The following SYNPR variants were observed in gnomAD, a reference collection of about 807,000 sequenced individuals.
The protein encoded by SYNPR is synaptoporin.
A neutral mutation model predicts 32.9 loss-of-function variants in SYNPR; 23 were observed. The observed-to-expected ratio is 0.70, with a 90% CI of 0.50 to 0.99. The LOEUF is 0.99. Among genes scored for constraint, SYNPR ranks in the 50% least tolerant of loss-of-function variants. The pLI is 0.00. For missense variants in SYNPR, 318 were observed against 349.3 expected (o/e 0.91, Z 0.71); for synonymous variants, 146 against 135.9 (o/e 1.07, Z -0.52).
chr3:63,484,615 T>C (rs1469582167), intron 3 of SYNPR, among the ~76,000 whole-genome samples: 2 of 149,908 alleles, frequency 1.3e-5, no homozygotes, highest in African/African-American at 4.9e-5. Context: ...ATTGCAAGGG[T>C]ACAATGTGCC....
rs144357040 is a variant in SYNPR at position 63,599,458 on chromosome 3, C to T, written c.409-9667C>T. On this transcript the variant is annotated intron_variant, in intron 4 of 5. Coordinates refer to ENST00000478300, the MANE Select transcript of SYNPR (RefSeq NM_001130003.2). ...TACATACACAAATACTTATCATCAT[C>T]ATGTTACAATTGCCTGCAGTAATCA... Among the ~76,000 whole-genome samples the T allele has an allele frequency of 3.5e-3, 528 of 152,230 alleles. 3 individuals are homozygous for T. The highest frequency in any genetic ancestry group is 5.8e-3 in the Non-Finnish European group (393 of 68,012).
At chr3:63,344,884 G>A (rs1358531087) in intron 2 of SYNPR, among the ~76,000 whole-genome samples, 2 of 152,144 alleles carry the variant, frequency 1.3e-5, no homozygotes, top group Non-Finnish European at 2.9e-5. Context: ...GGGGATCAAA[G>A]CTATCTTCTT....
intron 2 of SYNPR, among the ~76,000 whole-genome samples, chr3:63,371,627 G>T (rs2087813230): frequency 6.6e-6 from 1 of 152,168 alleles, no homozygotes; most frequent in Non-Finnish European, 1.5e-5. Flanking sequence ...GGTGCGTGGT[G>T]ATTTGAGACT....
chr3:63,410,255 T>G lies in SYNPR; in HGVS notation c.85-70577T>G, dbSNP rs997540883. The stretch of plus-strand genomic sequence containing the variant: ...CAATTGTCTTTATCATCTCTGGTAT[T>G]TTGTCCACTGAAATCATGAACTTAA... On this transcript the variant is annotated intron_variant, in intron 2 of 5. Coordinates refer to ENST00000478300, the MANE Select transcript of SYNPR (RefSeq NM_001130003.2). 4.6e-5 allele frequency among the ~76,000 whole-genome samples: 7 copies of G among 152,180 alleles called. No homozygotes were observed. The South Asian group carries it at 1.2e-3, about 27-fold the overall frequency.
At position 63,556,635 on chromosome 3, in the gene SYNPR, T is replaced by C. The variant is rs749632215; in HGVS notation, c.302T>C (p.Phe101Ser). 10 of 1,613,794 alleles carry C rather than the reference T, an allele frequency of 6.2e-6. No individual in the cohort carries two copies. The highest frequency in any genetic ancestry group is 8.5e-6 in the Non-Finnish European group (10 of 1,179,848). Residue 101 changes from phenylalanine (F) to serine (S), a missense_variant, in exon 4 of 6, where the codon TTC becomes TCC. By Grantham distance (155) the Phe-to-Ser change is radical (BLOSUM62 -2). Transcript: ENST00000478300. ...GGTGACTCCTCGTCTTCAGCAGAGT[T>C]CTTCGTCACTGTTGCTGTCTTCGCC... ...LIGDSSSSAE[F>S]FVTVAVFAFL...
intron 3 of SYNPR, among the ~76,000 whole-genome samples, chr3:63,554,482 C>T (rs766316597): frequency 1.3e-5 from 2 of 152,140 alleles, no homozygotes; most frequent in Admixed American, 6.5e-5. Flanking sequence ...TTTTCTATTG[C>T]TTGTTTTTGT....
At chr3:63,446,969 G>A (rs965770334) in intron 2 of SYNPR, among the ~76,000 whole-genome samples, 1 of 152,042 alleles carries the variant, frequency 6.6e-6, no homozygotes, top group Non-Finnish European at 1.5e-5. Flanking sequence ...AGTCATTTTT[G>A]TCAGAGGCAA....
At chr3:63,404,521 G>C (rs550196486) in intron 2 of SYNPR, among the ~76,000 whole-genome samples, 4 of 152,124 alleles carry the variant, frequency 2.6e-5, no homozygotes, top group Non-Finnish European at 5.9e-5. Flanking sequence ...ATTTTAAGCT[G>C]TATCTTTCTG....
rs75588569 is a variant in SYNPR at position 63,419,955 on chromosome 3, C to T, written c.85-60877C>T. The stretch of plus-strand genomic sequence containing the variant: ...CATTATAACTTTCATAGGGAAATAG[C>T]TATGATGGTTTGCATAAAATGTTCA... On this transcript the variant is annotated intron_variant, in intron 2 of 5. Coordinates refer to ENST00000478300, the MANE Select transcript of SYNPR (RefSeq NM_001130003.2). Among the ~76,000 whole-genome samples the T allele has an allele frequency of 1.6e-3, 246 of 152,242 alleles. 4 individuals are homozygous for T. In the East Asian group the frequency reaches 0.032, roughly 20 times the overall value.
intron 2 of SYNPR, among the ~76,000 whole-genome samples, chr3:63,439,740 A>G (rs1700137264): frequency 6.6e-6 from 1 of 152,222 alleles, no homozygotes; most frequent in Admixed American, 6.5e-5. Context: ...AGAGGTAAAA[A>G]TAATCTGTAT....
At chr3:63,560,106 G>A (rs1048062457) in intron 4 of SYNPR, among the ~76,000 whole-genome samples, 14 of 152,190 alleles carry the variant, frequency 9.2e-5, no homozygotes, top group African/African-American at 3.4e-4. Context: ...TAATACAATG[G>A]TAGGTTTTGT....
intron 2 of SYNPR, among the ~76,000 whole-genome samples, chr3:63,386,488 C>G (rs111414061): frequency 2.6e-5 from 4 of 152,150 alleles, no homozygotes; most frequent in Non-Finnish European, 4.4e-5. Context: ...TTAATGTTCC[C>G]GAAACCTGCT....
At position 63,454,673 on chromosome 3, in the gene SYNPR, A is replaced by G. The variant is rs145870972; in HGVS notation, c.85-26159A>G. Among the ~76,000 whole-genome samples the G allele has an allele frequency of 2.6e-3, 389 of 152,232 alleles. 1 individual carries two copies. The highest frequency in any genetic ancestry group is 8.7e-3 in the African/African-American group (360 of 41,546). ...CCAAATTCAACTTGGACTTTACCACAGGATCTCTACTTATTTGTCAATCCC... is the reference window on the plus strand; with the variant it reads ...CCAAATTCAACTTGGACTTTACCACGGGATCTCTACTTATTTGTCAATCCC... On this transcript the variant is annotated intron_variant, in intron 2 of 5. Coordinates refer to ENST00000478300, the MANE Select transcript of SYNPR (RefSeq NM_001130003.2).
At chr3:63,237,361 G>T (rs1036536751) in intron 1 of SYNPR, among the ~76,000 whole-genome samples, 6 of 151,628 alleles carry the variant, frequency 4.0e-5, no homozygotes, top group African/African-American at 1.5e-4. Context: ...AGTGTTGTTC[G>T]TGTGTTTGTA....
At chr3:63,368,125 A>G (rs2087749820) in intron 2 of SYNPR, among the ~76,000 whole-genome samples, 1 of 152,212 alleles carries the variant, frequency 6.6e-6, no homozygotes, top group Non-Finnish European at 1.5e-5. Flanking sequence ...GATTTATAGA[A>G]TTTAGTGACA....
rs142794107 is a variant in SYNPR at position 63,311,410 on chromosome 3, G to A, written c.84+32668G>A. On this transcript the variant is annotated intron_variant, in intron 2 of 5. Transcript: ENST00000478300. ...GTAGAGCAGGGGTCCCCAACCCCCGGGCCAAAGACCACTATGAGCATTACC... is the reference window on the plus strand; with the variant it reads ...GTAGAGCAGGGGTCCCCAACCCCCGAGCCAAAGACCACTATGAGCATTACC... Among the ~76,000 whole-genome samples, 785 of 152,026 alleles carry A rather than the reference G, an allele frequency of 5.2e-3. 9 individuals are homozygous for A. Among genetic ancestry groups the A allele is most frequent in the Non-Finnish European group, 8.0e-3 (542 of 67,912 alleles).
intron 3 of SYNPR, among the ~76,000 whole-genome samples, chr3:63,486,465 C>A (rs746110166): frequency 2.6e-5 from 4 of 152,130 alleles, no homozygotes; most frequent in Non-Finnish European, 4.4e-5. Flanking sequence ...ATTAACACAC[C>A]TTTCATTATC....
At chr3:63,226,321 T>C (rs1350664111), upstream of SYNPR, among the ~76,000 whole-genome samples, 1 of 152,102 alleles carries the variant, frequency 6.6e-6, no homozygotes, top group African/African-American at 2.4e-5. Flanking sequence ...AAAATAGAAC[T>C]ATCATACAAC....
chr3:63,614,517 C>T (rs1187855597), intron 5 of SYNPR, among the ~76,000 whole-genome samples: 1 of 152,198 alleles, frequency 6.6e-6, no homozygotes, highest in East Asian at 1.9e-4. Flanking sequence ...CTGAAACCTG[C>T]ACTTTATTCA....
Sources: allele counts gnomAD v4.1 joint callset (sites outside exome capture counted in the v4.1 genomes callset), GRCh38; gene constraint gnomAD v4.1.1; transcripts MANE v1.5; gene names NCBI Gene and HGNC (gene_info 2026-07-23, HGNC 2026-07-21).